Variants in FAM107B observed in about 807,000 individuals in gnomAD.
FAM107B encodes the protein family with sequence similarity 107 member B, also known as protein FAM107B.
FAM107B carries 21 observed loss-of-function variants against 31.5 expected under a neutral mutation model. The observed-to-expected ratio is 0.67, with a 90% CI of 0.47 to 0.96. The LOEUF (loss-of-function observed/expected upper bound fraction) is 0.96, where lower values mean the gene tolerates loss of function less well. Among genes scored for constraint, FAM107B ranks in the 40% least tolerant of loss-of-function variants. The pLI is 0.00. For missense variants in FAM107B, 452 were observed against 377.1 expected (o/e 1.20, Z -1.64); for synonymous variants, 157 against 141.5 (o/e 1.11, Z -0.78).
chr10:14,672,801 G>A (rs1854592222), intron 1 of FAM107B, among the ~76,000 whole-genome samples: 1 of 152,084 alleles, frequency 6.6e-6, no homozygotes, highest in South Asian at 2.1e-4. Flanking sequence ...AAAGAAAGAA[G>A]GAAGGAATAA....
intron 2 of FAM107B, among the ~76,000 whole-genome samples, chr10:14,554,950 C>T (rs1309624786): frequency 3.9e-5 from 6 of 152,150 alleles, no homozygotes; most frequent in African/African-American, 9.7e-5. Context: ...AAATATAGAA[C>T]AATTGTGAGT....
intron 1 of FAM107B, among the ~76,000 whole-genome samples, chr10:14,689,729 G>A (rs1855081530): frequency 6.6e-6 from 1 of 152,180 alleles, no homozygotes; most frequent in South Asian, 2.1e-4. Flanking sequence ...GGGAGGCTGA[G>A]GCAGGAGGAT....
chr10:14,679,677 C>T (rs1222960693), intron 1 of FAM107B, among the ~76,000 whole-genome samples: 1 of 152,182 alleles, frequency 6.6e-6, no homozygotes, highest in Non-Finnish European at 1.5e-5. Flanking sequence ...TGAGTGTCAA[C>T]TTGATGGAAT....
intron 1 of FAM107B, among the ~76,000 whole-genome samples, chr10:14,689,485 T>C (rs1317017723): frequency 1.3e-5 from 2 of 151,428 alleles, no homozygotes; most frequent in African/African-American, 4.9e-5. Context: ...TTTACAGCAA[T>C]GCACTCAGGA....
chr10:14,659,118 G>T (rs575071771), intron 2 of FAM107B, among the ~76,000 whole-genome samples: 1 of 152,160 alleles, frequency 6.6e-6, no homozygotes, highest in African/African-American at 2.4e-5. Flanking sequence ...AGCATTTTCC[G>T]TAATTAAAGG....
chr10:14,638,463 C>T (rs1853556233), intron 2 of FAM107B, among the ~76,000 whole-genome samples: 1 of 152,176 alleles, frequency 6.6e-6, no homozygotes, highest in African/African-American at 2.4e-5. Flanking sequence ...GGCATGCAGC[C>T]TTTAAGTTTG....
chr10:14,634,995 G>A (rs1853459732), intron 2 of FAM107B, among the ~76,000 whole-genome samples: 1 of 151,918 alleles, frequency 6.6e-6, no homozygotes, highest in Admixed American at 6.6e-5. Context: ...AGGCTGAGGT[G>A]GGAGAATCGC....
intron 2 of FAM107B, among the ~76,000 whole-genome samples, chr10:14,646,393 C>T (rs1311380662): frequency 6.6e-6 from 1 of 152,132 alleles, no homozygotes; most frequent in Non-Finnish European, 1.5e-5. Flanking sequence ...GTATGCCCAT[C>T]GCTTAGCTCC....
At chr10:14,659,713 A>G (rs756069707) in intron 2 of FAM107B, among the ~76,000 whole-genome samples, 1 of 152,176 alleles carries the variant, frequency 6.6e-6, no homozygotes, top group Non-Finnish European at 1.5e-5. Context: ...ACATGAAAGT[A>G]AAAGCAGACA....
intron 1 of FAM107B, among the ~76,000 whole-genome samples, chr10:14,741,860 C>G (rs113733335): frequency 0.019 from 2,825 of 151,734 alleles, 36 homozygotes; most frequent in South Asian, 0.058. Flanking sequence ...CACCCGCCCC[C>G]ACACCAGGCT....
intron 2 of FAM107B, among the ~76,000 whole-genome samples, chr10:14,574,709 T>C (rs189558735): frequency 1.3e-5 from 2 of 152,326 alleles, no homozygotes; most frequent in East Asian, 3.9e-4. Context: ...ATACTGTTAG[T>C]ATGAAGGGTA....
At chr10:14,622,552 G>A (rs868164942) in intron 2 of FAM107B, among the ~76,000 whole-genome samples, 6 of 152,026 alleles carry the variant, frequency 3.9e-5, no homozygotes, top group African/African-American at 1.2e-4. Context: ...TGATCCACCC[G>A]CCTTGGCCTC....
intron 2 of FAM107B, among the ~76,000 whole-genome samples, chr10:14,624,536 T>C (rs2131406951): frequency 1.3e-5 from 2 of 151,998 alleles, no homozygotes; most frequent in South Asian, 4.2e-4. Context: ...CTCGGGAGGC[T>C]GAGGCAGGAG....
At chr10:14,540,671 C>T (rs1420349816) in intron 2 of FAM107B, among the ~76,000 whole-genome samples, 1 of 152,208 alleles carries the variant, frequency 6.6e-6, no homozygotes, top group African/African-American at 2.4e-5. Context: ...ACCCCATACA[C>T]CTTTACCCCT....
chr10:14,673,561 G>GT (rs1854609467), intron 1 of FAM107B, among the ~76,000 whole-genome samples: 1 of 152,092 alleles, frequency 6.6e-6, no homozygotes, highest in African/African-American at 2.4e-5. Flanking sequence ...GGTTGATTCC[G>GT]TATCTTTGCT....
At chr10:14,711,016 G>A (rs1210885904) in intron 1 of FAM107B, among the ~76,000 whole-genome samples, 1 of 152,136 alleles carries the variant, frequency 6.6e-6, no homozygotes, top group East Asian at 1.9e-4. Flanking sequence ...AGGTTCAAGT[G>A]ATTCTCCTGC....
chr10:14,576,355 C>T (rs537003411), intron 2 of FAM107B, among the ~76,000 whole-genome samples: 43 of 152,220 alleles, frequency 2.8e-4, no homozygotes, highest in Middle Eastern at 3.4e-3. Context: ...GGTGAAACCC[C>T]GTCTCTACTG....
chr10:14,622,605 C>T (rs576454710), intron 2 of FAM107B, among the ~76,000 whole-genome samples: 6 of 152,168 alleles, frequency 3.9e-5, no homozygotes, highest in Admixed American at 2.6e-4. Flanking sequence ...TAAACCAGGC[C>T]AGAGAGAGAA....
intron 2 of FAM107B, among the ~76,000 whole-genome samples, chr10:14,592,366 G>A (rs35513076): frequency 0.065 from 9,841 of 152,214 alleles, 418 homozygotes; most frequent in East Asian, 0.13. Flanking sequence ...CAACTCTGAG[G>A]CTTCATGGGA....
Sources: gnomAD v4.1 joint callset for allele counts (sites outside exome capture counted in the v4.1 genomes callset) on GRCh38, gnomAD v4.1.1 for gene constraint, MANE v1.5 for transcripts, NCBI Gene and HGNC (gene_info 2026-07-23, HGNC 2026-07-21) for gene names.